Variants in SYNPO observed in about 807,000 individuals in gnomAD.
The protein encoded by SYNPO is synaptopodin.
SYNPO carries 19 observed loss-of-function variants against 49.5 expected under a neutral mutation model. The observed-to-expected ratio is 0.38, with a 90% CI of 0.27 to 0.56. SYNPO has a LOEUF of 0.56. SYNPO is among the 20% of genes least tolerant of loss of function. SYNPO has a pLI of 0.68. For synonymous variants in SYNPO, 536 were observed against 548.0 expected (o/e 0.98, Z 0.31); for missense variants, 1,131 against 1,248.3 (o/e 0.91, Z 1.42).
intron 1 of SYNPO, among the ~76,000 whole-genome samples, chr5:150,616,699 C>T (rs745796277): frequency 5.3e-5 from 8 of 152,182 alleles, no homozygotes; most frequent in Non-Finnish European, 1.2e-4. Context: ...TTCCTGATCT[C>T]TATTAACAAA....
chr5:150,600,775 A>T (rs55928808), upstream of SYNPO, among the ~76,000 whole-genome samples: 1 of 152,094 alleles, frequency 6.6e-6, no homozygotes, highest in African/African-American at 2.4e-5. Flanking sequence ...TTTTGGAAAC[A>T]TATTTATTTT....
At chr5:150,605,349 C>T (rs77046972) in intron 1 of SYNPO, among the ~76,000 whole-genome samples, 1 of 152,318 alleles carries the variant, frequency 6.6e-6, no homozygotes, top group African/African-American at 2.4e-5. Flanking sequence ...GACTAGCACT[C>T]TTCCTTGTCA....
intron 1 of SYNPO, among the ~76,000 whole-genome samples, chr5:150,616,327 G>C (rs1306245548): frequency 6.6e-6 from 1 of 152,218 alleles, no homozygotes; most frequent in African/African-American, 2.4e-5. Flanking sequence ...CAATTTTCAG[G>C]ATTCTCACTG....
chr5:150,612,658 A>T (rs942413937), intron 1 of SYNPO, among the ~76,000 whole-genome samples: 1 of 152,178 alleles, frequency 6.6e-6, no homozygotes, highest in Admixed American at 6.5e-5. Flanking sequence ...CCTTCCTTAT[A>T]GGGTGTGATG....
At chr5:150,603,918 T>A (rs1756620857) in intron 1 of SYNPO, among the ~76,000 whole-genome samples, 1 of 152,194 alleles carries the variant, frequency 6.6e-6, no homozygotes, top group Non-Finnish European at 1.5e-5. Flanking sequence ...ACTCTTGTTC[T>A]TATGGAAGGG....
Position 150,656,667 on chromosome 5 carries a change from G to A in SYNPO, c.2292G>A (p.Ala764=). Residue 764 remains alanine, a synonymous_variant, in exon 3 of 3, where the codon GCG becomes GCA. Transcript: ENST00000307662. ...QALLARNIIN[A]ARRKSASPRS... ...TTCTGGCGCGAAACATCATCAATGC[G>A]GCCCGGCGCAAGAGCGCCTCCCCGC... The A allele has an allele frequency of 6.7e-7, 1 of 1,493,892 alleles. No homozygotes were observed. Among genetic ancestry groups the A allele is most frequent in the Non-Finnish European group, 8.9e-7 (1 of 1,129,310 alleles). The allele number at this position is 1,493,892 out of a possible 1,614,324, so 92.5% of individuals were successfully genotyped here. A position where few individuals can be genotyped will look rare whatever the true frequency, so the allele number is the denominator to read the frequency against.
chr5:150,650,989 CT>C, intron 2 of SYNPO: 1 of 1,245,178 alleles, frequency 8.0e-7, no homozygotes, highest in Non-Finnish European at 1.0e-6. Flanking sequence ...CTGTCTGACG[CT>C]TTTCTTCCTG....
chr5:150,587,877 C>G, the SYNPO span, among the ~76,000 whole-genome samples: 1 of 152,144 alleles, frequency 6.6e-6, no homozygotes, highest in African/African-American at 2.4e-5. Flanking sequence ...CATTGGGACT[C>G]CATTTTCTCT....
In SYNPO at chr5:150,656,946, C is replaced by T. The variant is rs759550968; in HGVS notation, c.2571C>T (p.Asp857=). The T allele has an allele frequency of 1.6e-4, 254 of 1,584,208 alleles. No homozygotes were observed. The highest frequency in any genetic ancestry group is 2.2e-4 in the Non-Finnish European group (252 of 1,166,130). ...TCCTCTACCGCCGCTCGCCCACGGACTCCGACGTGTCCCTCGACTCCGAGG... is the reference window on the plus strand; with the variant it reads ...TCCTCTACCGCCGCTCGCCCACGGATTCCGACGTGTCCCTCGACTCCGAGG... ...RPFLYRRSPT[D]SDVSLDSEDS... The change falls in exon 3 of 3, where the codon GAC becomes GAT. Residue 857 remains aspartate, a synonymous_variant. Transcript: ENST00000307662.
chr5:150,651,983 A>G, intron 2 of SYNPO: 1 of 1,000,480 alleles, frequency 1.0e-6, no homozygotes, highest in South Asian at 4.7e-5. Flanking sequence ...TCCCAGCCCT[A>G]GTTCTGGGTT....
upstream of SYNPO, among the ~76,000 whole-genome samples, chr5:150,636,017 C>A (rs1373172385): frequency 6.6e-6 from 1 of 152,154 alleles, no homozygotes; most frequent in Non-Finnish European, 1.5e-5. Flanking sequence ...TATCTCCAGT[C>A]CCTGCTTTAT....
chr5:150,633,300 C>T (rs1757601578), intron 2 of SYNPO, among the ~76,000 whole-genome samples: 2 of 152,152 alleles, frequency 1.3e-5, no homozygotes, highest in Non-Finnish European at 2.9e-5. Flanking sequence ...ACTGAGGCTC[C>T]GCACATATAA....
rs374725829 is a variant in SYNPO, at chr5:150,648,829, C to T, written c.554C>T (p.Ser185Leu). Residue 185 changes from serine (S) to leucine (L), a missense_variant, in exon 2 of 3, where the codon TCA becomes TTA. Physicochemically the swap from Ser to Leu is moderately radical, Grantham distance 145. Around this residue, in one of 4 missense-constraint regions of SYNPO, gnomAD observed 602 missense variants for 720.7 expected, o/e 0.84. Coordinates refer to ENST00000307662, the MANE Select transcript of SYNPO (RefSeq NM_007286.6). This position sits in a 1 kb window ranked among gnomAD's most constrained non-coding sequence, Gnocchi z 5.0. ...ATCCCCAGCTCCAGGCCCCCAGCCTCAGATTTCATGTCCAGCTCCCTGCTC... is the reference window on the plus strand; with the variant it reads ...ATCCCCAGCTCCAGGCCCCCAGCCTTAGATTTCATGTCCAGCTCCCTGCTC... ...TLIPSSRPPA[S>L]DFMSSSLLID... 1.6e-5 allele frequency: 26 copies of T among 1,614,098 alleles called. No homozygotes were observed. Among genetic ancestry groups the T allele is most frequent in the Middle Eastern group, 1.6e-4 (1 of 6,084 alleles).
At chr5:150,631,739 C>A (rs754292987) in intron 2 of SYNPO, among the ~76,000 whole-genome samples, 2 of 152,156 alleles carry the variant, frequency 1.3e-5, no homozygotes, top group African/African-American at 4.8e-5. Context: ...CCCCCAGCCA[C>A]TTCTTGAGGT....
chr5:150,595,881 C>T, the SYNPO span, among the ~76,000 whole-genome samples: 1 of 151,272 alleles, frequency 6.6e-6, no homozygotes, highest in Non-Finnish European at 1.5e-5. Context: ...CCCTTCCTGC[C>T]TTCCCGTAAG....
intron 1 of SYNPO, among the ~76,000 whole-genome samples, chr5:150,605,244 T>G (rs750825996): frequency 6.6e-6 from 1 of 152,084 alleles, no homozygotes; most frequent in Non-Finnish European, 1.5e-5. Context: ...CAGGTGGGGC[T>G]CTCCCTGAGG....
chr5:150,587,868 A>G, the SYNPO span, among the ~76,000 whole-genome samples: 3 of 152,310 alleles, frequency 2.0e-5, no homozygotes, highest in East Asian at 1.9e-4. Flanking sequence ...GGGACAAGTC[A>G]TTGGGACTCC....
chr5:150,650,877 T>C (rs1307509590), intron 2 of SYNPO: 2 of 1,258,104 alleles, frequency 1.6e-6, no homozygotes, highest in African/African-American at 3.1e-5. Context: ...CTCTGCCTTC[T>C]GGACACCGTT....
the SYNPO span, among the ~76,000 whole-genome samples, chr5:150,591,601 A>G: frequency 2.0e-5 from 3 of 152,114 alleles, no homozygotes; most frequent in African/African-American, 7.3e-5. Context: ...CTTACGTAAC[A>G]GTTTTCTTTA....
Sources: gnomAD v4.1 joint callset for allele counts (sites outside exome capture counted in the v4.1 genomes callset) on GRCh38, gnomAD v4.1.1 for gene constraint, gnomAD v4.1.1 regional missense constraint, Gnocchi (gnomAD v3.1) non-coding constraint, MANE v1.5 for transcripts, NCBI Gene and HGNC (gene_info 2026-07-23, HGNC 2026-07-21) for gene names.